Variants in BIRC6 observed in about 807,000 individuals in gnomAD.
BIRC6 encodes dual E2 ubiquitin-conjugating enzyme/E3 ubiquitin-protein ligase BIRC6.
Under a neutral mutation model 503.3 loss-of-function variants are expected in BIRC6, and 98 were observed. That is an observed-to-expected ratio of 0.19 (90% CI 0.17 to 0.23). The LOEUF (loss-of-function observed/expected upper bound fraction) is 0.23. Among genes scored for constraint, BIRC6 ranks in the 10% least tolerant of loss-of-function variants. BIRC6 has a pLI of 1.00. For synonymous variants in BIRC6, 2,240 were observed against 2,078.7 expected (o/e 1.08, Z -2.11); for missense variants, 5,360 against 5,806.0 (o/e 0.92, Z 2.50).
chr2:32,489,923 C>G (rs1488478357), intron 42 of BIRC6, 118 bp from the exon 43 acceptor site: 2 of 660,686 alleles, frequency 3.0e-6, no homozygotes, highest in East Asian at 2.6e-5. Context: ...TTTGAAGACA[C>G]TGGTTAAGGA....
rs147006232 is a variant in BIRC6 at position 32,395,558 on chromosome 2, A to C, written c.999A>C (p.Val333=). The change falls in exon 6 of 74, where the codon GTA becomes GTC. Residue 333 remains valine (V), a synonymous_variant. Coordinates refer to ENST00000421745, the MANE Select transcript of BIRC6 (RefSeq NM_016252.4). ...DDRAMCFTCS[V]CLVCWEPTDE... The stretch of plus-strand genomic sequence containing the variant: ...GAGCCATGTGTTTTACTTGTAGTGT[A>C]TGCCTCGTTTGTTGGGAACCTACTG... The C allele has an allele frequency of 6.2e-7, 1 of 1,613,218 alleles. No individual in the cohort carries two copies. The highest frequency in any genetic ancestry group is 1.3e-5 in the African/African-American group (1 of 74,904).
intron 12 of BIRC6, among the ~76,000 whole-genome samples, chr2:32,432,576 G>A (rs1269211263): frequency 6.6e-6 from 1 of 151,788 alleles, no homozygotes; most frequent in Admixed American, 6.6e-5. Context: ...GGGCAATATA[G>A]GGAGACCTCG....
intron 22 of BIRC6, among the ~76,000 whole-genome samples, chr2:32,452,768 C>G (rs951448732): frequency 1.3e-5 from 2 of 151,968 alleles, no homozygotes; most frequent in African/African-American, 4.8e-5. Context: ...AAAAAAGTTG[C>G]GTTAATTCCT....
At chr2:32,556,393 T>A (rs1293878258) in intron 65 of BIRC6, among the ~76,000 whole-genome samples, 1 of 152,186 alleles carries the variant, frequency 6.6e-6, no homozygotes, top group Admixed American at 6.5e-5. Flanking sequence ...CCCAGCGTAG[T>A]CCTTTCTCTC....
chr2:32,530,850 CT>C (rs2056685237), intron 60 of BIRC6, among the ~76,000 whole-genome samples: 2 of 151,958 alleles, frequency 1.3e-5, no homozygotes, highest in Non-Finnish European at 2.9e-5. Context: ...TTTTGGTTTT[CT>C]TTGGTGAGTA....
In BIRC6 at chr2:32,618,346, A is replaced by G. The variant is rs1438889172; in HGVS notation, c.*442A>G. The G allele has an allele frequency of 6.5e-6, 1 of 152,686 alleles. No individual in the cohort carries two copies. The highest frequency in any genetic ancestry group is 1.9e-4 in the East Asian group (1 of 5,206). 9.5% of individuals were successfully genotyped at this position (152,686 alleles called of 1,614,324 possible). A position where few individuals can be genotyped will look rare whatever the true frequency, so the allele number is the denominator to read the frequency against. ...AATTTGATAGATTTTATGTTTGGCC[A>G]TATCTTCATGCTCACATTTGATTTC... On this transcript the variant is annotated 3_prime_UTR_variant, in exon 74 of 74. Transcript: ENST00000421745.
At chr2:32,609,131 G>A (rs527786057) in intron 72 of BIRC6, among the ~76,000 whole-genome samples, 10 of 152,198 alleles carry the variant, frequency 6.6e-5, no homozygotes, top group Admixed American at 2.0e-4. Context: ...TGATCCGCCC[G>A]CCTCGGCCTT....
intron 6 of BIRC6, among the ~76,000 whole-genome samples, chr2:32,400,406 T>C (rs1011531825): frequency 6.7e-6 from 1 of 148,740 alleles, no homozygotes; most frequent in African/African-American, 2.5e-5. Context: ...TGGCGCGATC[T>C]CGGCTCACTG....
At chr2:32,444,723 T>C (rs189000065) in intron 20 of BIRC6, among the ~76,000 whole-genome samples, 5 of 152,306 alleles carry the variant, frequency 3.3e-5, no homozygotes, top group Non-Finnish European at 7.4e-5. Context: ...CAGTGAGTTA[T>C]ATATTTCATA....
chr2:32,430,165 C>T (rs1391682470), intron 11 of BIRC6, among the ~76,000 whole-genome samples: 1 of 152,066 alleles, frequency 6.6e-6, no homozygotes, highest in Non-Finnish European at 1.5e-5. Context: ...TGAAAATACT[C>T]TAAACCTACC....
At chr2:32,591,597 T>C (rs2061384725) in intron 66 of BIRC6, among the ~76,000 whole-genome samples, 1 of 152,176 alleles carries the variant, frequency 6.6e-6, no homozygotes, top group South Asian at 2.1e-4. Flanking sequence ...AAAGAGAAAA[T>C]AACCTTTCTG....
intron 20 of BIRC6, among the ~76,000 whole-genome samples, chr2:32,444,020 A>C: frequency 6.8e-6 from 1 of 147,828 alleles, no homozygotes. Context: ...ATTTCCTAAA[A>C]GGGACCAGTG....
intron 5 of BIRC6, among the ~76,000 whole-genome samples, chr2:32,393,796 C>A (rs1441759965): frequency 6.6e-6 from 1 of 152,182 alleles, no homozygotes; most frequent in African/African-American, 2.4e-5. Flanking sequence ...ATTGTGATTA[C>A]AGGTGTAAGC....
At chr2:32,524,039 A>G (rs991029960) in intron 57 of BIRC6, among the ~76,000 whole-genome samples, 1 of 128,400 alleles carries the variant, frequency 7.8e-6, no homozygotes, top group Non-Finnish European at 1.6e-5. Flanking sequence ...GCGAGACCTT[A>G]TCTTAAAAAA....
rs1485598822 is a variant in BIRC6, at chr2:32,515,777, C to A, written c.11349+7C>A. 2 of 1,577,010 alleles carry A rather than the reference C, an allele frequency of 1.3e-6. No homozygotes were observed. Among genetic ancestry groups the A allele is most frequent in the South Asian group, 1.1e-5 (1 of 88,506 alleles). ...TCAAAAGCTGATGGCACAGGTAAGA[C>A]AAAAAAATAACTTACATTTTAGTTG... is the stretch of plus-strand genomic sequence containing the variant. On this transcript the variant is annotated splice_region_variant and intron_variant, in intron 55 of 73. Coordinates refer to ENST00000421745, the MANE Select transcript of BIRC6 (RefSeq NM_016252.4).
intron 15 of BIRC6, among the ~76,000 whole-genome samples, chr2:32,437,672 T>C (rs563476601): frequency 1.3e-5 from 2 of 152,352 alleles, no homozygotes; most frequent in African/African-American, 4.8e-5. Flanking sequence ...AAATCCAAAA[T>C]ATGAAATGTT....
At chr2:32,401,036 T>G (rs1451543795) in intron 6 of BIRC6, 127 bp from the exon 7 acceptor site, 3 of 751,710 alleles carry the variant, frequency 4.0e-6, no homozygotes, top group Non-Finnish European at 6.5e-6. Context: ...TTTGGTTATA[T>G]TAAGTCTTTA....
chr2:32,498,264 C>T (rs1380951786), intron 45 of BIRC6, among the ~76,000 whole-genome samples: 1 of 152,142 alleles, frequency 6.6e-6, no homozygotes, highest in East Asian at 1.9e-4. Flanking sequence ...GTAGTTTCAC[C>T]AGGTTGGCCA....
intron 71 of BIRC6, among the ~76,000 whole-genome samples, chr2:32,604,942 G>A (rs2062340910): frequency 6.7e-6 from 1 of 148,838 alleles, no homozygotes; most frequent in Non-Finnish European, 1.5e-5. Flanking sequence ...CCCAGGCTGG[G>A]CACAACCTTG....
Sources: gnomAD v4.1 joint callset for allele counts (sites outside exome capture counted in the v4.1 genomes callset) on GRCh38, gnomAD v4.1.1 for gene constraint, MANE v1.5 for transcripts, NCBI Gene and HGNC (gene_info 2026-07-23, HGNC 2026-07-21) for gene names.